The following RAP1GAP2 variants were observed in gnomAD, a reference collection of about 807,000 sequenced individuals.
RAP1GAP2 encodes the protein RAP1 GTPase activating protein 2.
Under a neutral mutation model 95.0 loss-of-function variants are expected in RAP1GAP2, and 27 were observed. That is an observed-to-expected ratio of 0.28 (90% CI 0.21 to 0.39). The LOEUF is 0.39. Among genes scored for constraint, RAP1GAP2 ranks in the 10% least tolerant of loss-of-function variants. The pLI is 1.00. For synonymous variants in RAP1GAP2, 373 were observed against 380.9 expected (o/e 0.98, Z 0.24); for missense variants, 771 against 970.0 (o/e 0.79, Z 2.72).
intron 2 of RAP1GAP2, among the ~76,000 whole-genome samples, chr17:2,861,122 T>G (rs911403078): frequency 1.3e-5 from 2 of 152,082 alleles, no homozygotes; most frequent in African/African-American, 4.8e-5. Flanking sequence ...CATTGGCTGG[T>G]GCTTCCTCAT....
intron 2 of RAP1GAP2, among the ~76,000 whole-genome samples, chr17:2,897,346 AAAAC>A (rs769971051): frequency 3.4e-4 from 51 of 152,160 alleles, no homozygotes; most frequent in Non-Finnish European, 5.4e-4. Context: ...CTCAAAACCA[AAAAC>A]AAACAAACAA....
chr17:3,002,254 C>A (rs1031454172), intron 14 of RAP1GAP2, among the ~76,000 whole-genome samples: 1 of 152,230 alleles, frequency 6.6e-6, no homozygotes, highest in African/African-American at 2.4e-5. Context: ...AACCATCATG[C>A]CTGGCTGTCT....
chr17:3,013,673 C>T (rs1359387424), intron 17 of RAP1GAP2, among the ~76,000 whole-genome samples: 2 of 88,556 alleles, frequency 2.3e-5, no homozygotes, highest in Non-Finnish European at 4.1e-5. Context: ...CTTGAAAATT[C>T]GTGGTTTCTA....
chr17:2,875,446 G>C (rs2073053569), intron 2 of RAP1GAP2, among the ~76,000 whole-genome samples: 1 of 152,138 alleles, frequency 6.6e-6, no homozygotes, highest in Non-Finnish European at 1.5e-5. Flanking sequence ...ACTGGTTACA[G>C]GGGTAACATT....
intron 17 of RAP1GAP2, among the ~76,000 whole-genome samples, chr17:3,013,494 G>A (rs1350691711): frequency 6.6e-6 from 1 of 152,124 alleles, no homozygotes. Context: ...CAGAAGACCC[G>A]GTGCTGACTC....
chr17:3,027,520 AGAG>A lies in RAP1GAP2; in HGVS notation c.2107+454_2107+456del, dbSNP rs1420283416. ...AACAGCATGTGGAAAGGCCCAGAGGAGAGGAGAGAGCGGGTATTCCGGAACTGC... is the reference window on the plus strand; with the variant it reads ...AACAGCATGTGGAAAGGCCCAGAGGAGAGAGAGCGGGTATTCCGGAACTGC... On this transcript the variant is annotated intron_variant, in intron 22 of 24. Coordinates refer to ENST00000254695, the MANE Select transcript of RAP1GAP2 (RefSeq NM_015085.5). The surrounding 1 kb of genome is among the most constrained non-coding windows in gnomAD (Gnocchi z 5.2). Among the ~76,000 whole-genome samples the A allele has an allele frequency of 1.3e-5, 2 of 152,020 alleles. No individual in the cohort carries two copies. Among genetic ancestry groups the A allele is most frequent in the African/African-American group, 4.8e-5 (2 of 41,354 alleles).
intron 1 of RAP1GAP2, among the ~76,000 whole-genome samples, chr17:2,784,332 G>A (rs917465677): frequency 6.6e-5 from 10 of 151,712 alleles, no homozygotes; most frequent in Admixed American, 6.6e-4. Flanking sequence ...GTACAGTGGC[G>A]TGATCTCGGC....
rs144508238 is a variant in RAP1GAP2, at chr17:2,823,812, C to T, written c.80+23262C>T. ...ATTACTAAGCAAGCAGAATGGGAAGCAACACGACTGAACAAGAAACAGCAC... is the reference window on the plus strand; with the variant it reads ...ATTACTAAGCAAGCAGAATGGGAAGTAACACGACTGAACAAGAAACAGCAC... On this transcript the variant is annotated intron_variant, in intron 2 of 24. Coordinates refer to ENST00000254695, the MANE Select transcript of RAP1GAP2 (RefSeq NM_015085.5). Among the ~76,000 whole-genome samples the T allele has an allele frequency of 2.4e-3, 369 of 152,260 alleles. 1 individual carries two copies. The highest frequency in any genetic ancestry group is 8.4e-3 in the African/African-American group (351 of 41,554).
Position 2,965,967 on chromosome 17 carries a change from C to A in RAP1GAP2, c.596+324C>A. 3.1e-6 allele frequency: 1 copy of A among 318,820 alleles called. No homozygotes were observed. Among genetic ancestry groups the A allele is most frequent in the Non-Finnish European group, 5.9e-6 (1 of 168,874 alleles). 19.7% of individuals were successfully genotyped at this position (318,820 alleles called of 1,614,324 possible). ...GAAAAGTAGGGATGGTTCAGTGTGA[C>A]TCATCCTGCTGAGACACAGCTCCGA... On this transcript the variant is annotated intron_variant, in intron 8 of 24. Transcript: ENST00000254695. The surrounding 1 kb of genome is among the most constrained non-coding windows in gnomAD (Gnocchi z 4.7).
chr17:2,944,556 T>C (rs534539519), intron 3 of RAP1GAP2, among the ~76,000 whole-genome samples: 8 of 152,322 alleles, frequency 5.3e-5, no homozygotes, highest in East Asian at 1.9e-4. Context: ...TAAGTATTGA[T>C]TGGGAAATAT....
intron 2 of RAP1GAP2, among the ~76,000 whole-genome samples, chr17:2,854,862 G>T (rs1009808394): frequency 5.9e-5 from 9 of 152,164 alleles, no homozygotes; most frequent in Admixed American, 3.9e-4. Flanking sequence ...AGGGTGCATG[G>T]CAGAGCCTCC....
At chr17:2,992,164 C>CA in intron 12 of RAP1GAP2, among the ~76,000 whole-genome samples, 1 of 134,756 alleles carries the variant, frequency 7.4e-6, no homozygotes, top group East Asian at 2.2e-4. Context: ...ACAGTCTATG[C>CA]TTTTTTTTTT....
intron 2 of RAP1GAP2, among the ~76,000 whole-genome samples, chr17:2,843,636 C>T (rs908173669): frequency 6.6e-6 from 1 of 152,054 alleles, no homozygotes; most frequent in African/African-American, 2.4e-5. Context: ...AATAAAGTCT[C>T]CTGCCTCCCA....
chr17:2,813,633 A>C (rs2069870219), intron 2 of RAP1GAP2, among the ~76,000 whole-genome samples: 2 of 152,136 alleles, frequency 1.3e-5, no homozygotes, highest in Admixed American at 6.5e-5. Context: ...CTGTATCCAC[A>C]AGATGCCCAC....
At chr17:3,031,100 C>T in intron 23 of RAP1GAP2, 102 bp downstream of exon 23, 5 of 1,289,788 alleles carry the variant, frequency 3.9e-6, no homozygotes, top group East Asian at 5.1e-5. Flanking sequence ...AGAGGGGGCT[C>T]CCCGAAGGAG....
rs66503004 is a variant in RAP1GAP2, at chr17:2,822,627, GTT to G, written c.80+22099_80+22100del. 6.4e-4 allele frequency among the ~76,000 whole-genome samples: 82 copies of G among 127,868 alleles called. 1 individual carries two copies. The highest frequency in any genetic ancestry group is 4.4e-4 in the Non-Finnish European group (26 of 58,704). 83.9% of individuals were successfully genotyped at this position (127,868 alleles called of 152,430 possible). The stretch of plus-strand genomic sequence containing the variant: ...GGACAATAAAACCCTGTTTTTTTTT[GTT>G]TTTTTTTTTTTTTTTTTTTTTAAGA... On this transcript the variant is annotated intron_variant, in intron 2 of 24. Transcript: ENST00000254695.
At chr17:2,886,666 C>T (rs1041533931) in intron 2 of RAP1GAP2, among the ~76,000 whole-genome samples, 4 of 152,196 alleles carry the variant, frequency 2.6e-5, no homozygotes, top group Admixed American at 2.6e-4. Flanking sequence ...CGCAGCTTTG[C>T]TTGTGGACTT....
rs769386817 is a variant in RAP1GAP2, at chr17:2,963,427, C to T, written c.247-3C>T. 7 of 1,613,800 alleles carry T rather than the reference C, an allele frequency of 4.3e-6. No homozygotes were observed. The highest frequency in any genetic ancestry group is 5.1e-6 in the Non-Finnish European group (6 of 1,179,806). On this transcript the variant is annotated splice_polypyrimidine_tract_variant and splice_region_variant and intron_variant, in intron 5 of 24. Transcript: ENST00000254695. The surrounding 1 kb of genome is among the most constrained non-coding windows in gnomAD (Gnocchi z 4.8). ...CGGTGGCATCATCTGGTTTGTCTTG[C>T]AGGACGACTATATCCCATACCCCAG...
upstream of RAP1GAP2, among the ~76,000 whole-genome samples, chr17:2,774,404 G>A (rs1206128908): frequency 6.6e-6 from 1 of 151,890 alleles, no homozygotes; most frequent in Non-Finnish European, 1.5e-5. Context: ...TTGAACAGCT[G>A]AGCAGTTGTA....
Sources: gnomAD v4.1 joint callset for allele counts (sites outside exome capture counted in the v4.1 genomes callset) on GRCh38, gnomAD v4.1.1 for gene constraint, Gnocchi (gnomAD v3.1) non-coding constraint, MANE v1.5 for transcripts, NCBI Gene and HGNC (gene_info 2026-07-23, HGNC 2026-07-21) for gene names.